The following USH2A variants were observed in gnomAD, a reference collection of about 807,000 sequenced individuals.
USH2A encodes usherin.
In USH2A, 443 loss-of-function variants were observed where a neutral mutation model predicts 538.9. The observed-to-expected ratio is 0.82, with a 90% CI of 0.76 to 0.89. The LOEUF is 0.89. Among genes scored for constraint, USH2A ranks in the 40% least tolerant of loss-of-function variants. USH2A has a pLI of 0.00. For synonymous variants in USH2A, 2,413 were observed against 2,273.5 expected (o/e 1.06, Z -1.75); for missense variants, 6,633 against 6,324.8 (o/e 1.05, Z -1.65).
At chr1:216,138,265 G>A (rs1571991471) in intron 21 of USH2A, among the ~76,000 whole-genome samples, 1 of 152,244 alleles carries the variant, frequency 6.6e-6, no homozygotes, top group East Asian at 1.9e-4. Context: ...GTTCAAGTAA[G>A]CCAATCAACA....
At chr1:215,892,644 A>G (rs1452921461) in intron 40 of USH2A, among the ~76,000 whole-genome samples, 1 of 152,182 alleles carries the variant, frequency 6.6e-6, no homozygotes, top group Non-Finnish European at 1.5e-5. Context: ...ATGTAAGAGG[A>G]GCAATAAAAT....
intron 27 of USH2A, among the ~76,000 whole-genome samples, chr1:216,076,583 G>A (rs1210199083): frequency 6.6e-6 from 1 of 151,920 alleles, no homozygotes; most frequent in Non-Finnish European, 1.5e-5. Flanking sequence ...GGGTTTTCAA[G>A]TTCTTTCTAA....
chr1:215,767,324 G>C (rs1478797958), intron 55 of USH2A, among the ~76,000 whole-genome samples: 1 of 152,142 alleles, frequency 6.6e-6, no homozygotes, highest in Non-Finnish European at 1.5e-5. Flanking sequence ...AACCATCCCA[G>C]TCTCTGCAAT....
At position 215,674,210 on chromosome 1, in the gene USH2A, GA is replaced by G. The variant is rs1212608410; in HGVS notation, c.13700del (p.Leu4567ProfsTer16). On this transcript the variant is annotated frameshift_variant, in exon 63 of 72. Coordinates refer to ENST00000307340, the MANE Select transcript of USH2A (RefSeq NM_206933.4). LOFTEE classifies it high-confidence loss of function. ...RTNGDIINYT[L>X]FIRELFERET... ...CTCTTTCAAATAGTTCACGGATGAA[GA>G]GGGTATAATTGATGATATCACCATT... is the stretch of plus-strand genomic sequence containing the variant. 1.2e-6 allele frequency: 2 copies of G among 1,614,130 alleles called. No individual in the cohort carries two copies.
chr1:216,399,342 T>C (rs2039269335), intron 3 of USH2A, among the ~76,000 whole-genome samples: 1 of 152,054 alleles, frequency 6.6e-6, no homozygotes, highest in Non-Finnish European at 1.5e-5. Flanking sequence ...TTAGTCTCCA[T>C]TCTGTTCCCA....
At chr1:216,256,815 G>A (rs2036267925) in intron 11 of USH2A, among the ~76,000 whole-genome samples, 1 of 151,950 alleles carries the variant, frequency 6.6e-6, no homozygotes, top group South Asian at 2.1e-4. Flanking sequence ...GACTGTTCAT[G>A]TTATCAGTAA....
intron 21 of USH2A, among the ~76,000 whole-genome samples, chr1:216,160,456 T>C (rs2034034328): frequency 6.6e-6 from 1 of 152,136 alleles, no homozygotes; most frequent in Non-Finnish European, 1.5e-5. Context: ...AATCTCACAG[T>C]TGTCAGAGAA....
At chr1:216,405,318 G>A (rs960486312) in intron 3 of USH2A, among the ~76,000 whole-genome samples, 3 of 152,082 alleles carry the variant, frequency 2.0e-5, no homozygotes, top group African/African-American at 7.2e-5. Flanking sequence ...GCAAAACCCT[G>A]TAAAAAGAAT....
rs1428521283 is a variant in USH2A at position 215,951,734 on chromosome 1, G to A, written c.7120+13583C>T. ...AAGGACTTGCTTTATTAATCTGGGT[G>A]CTCCTGTATTGGGTGCATATATATG... On this transcript the variant is annotated intron_variant, in intron 37 of 71. Coordinates refer to ENST00000307340, the MANE Select transcript of USH2A (RefSeq NM_206933.4). Among the ~76,000 whole-genome samples the A allele has an allele frequency of 6.6e-5, 10 of 152,234 alleles. No individual in the cohort carries two copies. In the East Asian group the frequency reaches 1.7e-3, roughly 26 times the overall value.
chr1:215,782,297 A>AG, intron 53 of USH2A, 101 bp from the exon 54 acceptor site: 1 of 1,261,966 alleles, frequency 7.9e-7, no homozygotes, highest in Non-Finnish European at 1.1e-6. Context: ...GCAATACTAT[A>AG]GCTTTATTTA....
chr1:216,000,329 AGCT>A, intron 33 of USH2A, 71 bp downstream of exon 33: 1 of 1,588,182 alleles, frequency 6.3e-7, no homozygotes, highest in Non-Finnish European at 8.6e-7. Flanking sequence ...TTATGTCACA[AGCT>A]CCTCCCCTGA....
At chr1:216,398,474 A>G (rs1401584236) in intron 3 of USH2A, among the ~76,000 whole-genome samples, 1 of 152,108 alleles carries the variant, frequency 6.6e-6, no homozygotes, top group Admixed American at 6.6e-5. Context: ...TACAAGAGAA[A>G]ACCTTTTTAG....
chr1:215,683,166 G>T (rs1478822705), intron 61 of USH2A, among the ~76,000 whole-genome samples: 1 of 151,778 alleles, frequency 6.6e-6, no homozygotes, highest in East Asian at 1.9e-4. Context: ...GGGATTACAG[G>T]TGCAAGCCAC....
At chr1:215,652,390 T>A (rs1175582723) in intron 64 of USH2A, among the ~76,000 whole-genome samples, 1 of 152,214 alleles carries the variant, frequency 6.6e-6, no homozygotes, top group Non-Finnish European at 1.5e-5. Flanking sequence ...ATACCTGCAA[T>A]TCTAGATTAG....
At chr1:216,063,028 T>C (rs1180485524) in intron 30 of USH2A, among the ~76,000 whole-genome samples, 1 of 152,170 alleles carries the variant, frequency 6.6e-6, no homozygotes, top group East Asian at 1.9e-4. Context: ...TTTATTTAAA[T>C]ATGACTCTAA....
Position 216,198,487 on chromosome 1 carries a change from G to A in USH2A, c.3909C>T (p.Leu1303=), listed in dbSNP as rs2034905412. The change falls in exon 18 of 72, where the codon CTC becomes CTT. Residue 1303 remains leucine (L), a synonymous_variant. Transcript: ENST00000307340. ...CCGATTCTACAAATGAATGAGGACT[G>A]AGCCAACCACTGCTCTGAAAAACTC... The part of the protein sequence containing the change: ...ESRVFQSSGW[L]SPHSFVESAN... 1 of 1,614,028 alleles carries A rather than the reference G, an allele frequency of 6.2e-7. No individual in the cohort carries two copies. Among genetic ancestry groups the A allele is most frequent in the Non-Finnish European group, 8.5e-7 (1 of 1,179,958 alleles).
At chr1:216,287,937 T>C (rs1468505968) in intron 11 of USH2A, among the ~76,000 whole-genome samples, 1 of 152,136 alleles carries the variant, frequency 6.6e-6, no homozygotes. Flanking sequence ...ATGTGACAAA[T>C]ACTTATTGGG....
intron 71 of USH2A, among the ~76,000 whole-genome samples, chr1:215,628,273 A>G (rs1043321242): frequency 6.6e-6 from 1 of 151,984 alleles, no homozygotes; most frequent in Admixed American, 6.6e-5. Context: ...ATGAAGTATA[A>G]CCTGTTTGCT....
chr1:216,203,424 C>T (rs556515830), intron 16 of USH2A, among the ~76,000 whole-genome samples: 1 of 152,142 alleles, frequency 6.6e-6, no homozygotes, highest in East Asian at 1.9e-4. Flanking sequence ...TGAATATGGT[C>T]TTTCTCTCTC....
Sources: allele counts gnomAD v4.1 joint callset (sites outside exome capture counted in the v4.1 genomes callset), GRCh38; gene constraint gnomAD v4.1.1; transcripts MANE v1.5; gene names NCBI Gene and HGNC (gene_info 2026-07-23, HGNC 2026-07-21).